Variants in NKAIN3 observed in about 807,000 individuals in gnomAD.
NKAIN3 encodes the protein sodium/potassium-transporting ATPase subunit beta-1-interacting protein 3.
In NKAIN3, 25 loss-of-function variants were observed where a neutral mutation model predicts 30.2. The observed-to-expected ratio is 0.83, with a 90% CI of 0.60 to 1.16. The LOEUF (loss-of-function observed/expected upper bound fraction) is 1.16. Ranked by LOEUF, NKAIN3 falls within the 50% of genes most tolerant of loss-of-function variation. NKAIN3 has a pLI of 0.00. For missense variants in NKAIN3, 225 were observed against 254.1 expected (o/e 0.89, Z 0.78); for synonymous variants, 91 against 89.6 (o/e 1.02, Z -0.09).
At chr8:62,878,511 TA>T (rs1454389781) in intron 4 of NKAIN3, among the ~76,000 whole-genome samples, 8 of 150,978 alleles carry the variant, frequency 5.3e-5, no homozygotes, top group South Asian at 2.1e-4. Context: ...GTTGTGTTTT[TA>T]TTATTATTAT....
At chr8:62,987,076 A>G (rs1363302459), downstream of NKAIN3, among the ~76,000 whole-genome samples, 1 of 152,176 alleles carries the variant, frequency 6.6e-6, no homozygotes, top group East Asian at 1.9e-4. Context: ...ATTATGTCCT[A>G]CTAAAAGTGC....
In NKAIN3 at chr8:62,972,797, G is replaced by T. The variant is rs1218785148; in HGVS notation, c.*7390G>T. Among the ~76,000 whole-genome samples, 1 of 151,992 alleles carries T rather than the reference G, an allele frequency of 6.6e-6. No individual in the cohort carries two copies. The highest frequency in any genetic ancestry group is 1.9e-4 in the East Asian group (1 of 5,188). The stretch of plus-strand genomic sequence containing the variant: ...CCCATCAATTCATCATCTACATTAG[G>T]TATATCTCCTAATGTTATCCCTCCC... On this transcript the variant is annotated 3_prime_UTR_variant, in exon 7 of 7. Transcript: ENST00000623646.
At chr8:62,453,194 A>G (rs1376976918) in intron 1 of NKAIN3, among the ~76,000 whole-genome samples, 1 of 152,180 alleles carries the variant, frequency 6.6e-6, no homozygotes, top group Non-Finnish European at 1.5e-5. Flanking sequence ...AAAATTCAAT[A>G]TCATACTTTT....
intron 2 of NKAIN3, 23 bp from the exon 3 acceptor site, chr8:62,589,690 TC>T (rs1810590549): frequency 8.4e-7 from 1 of 1,190,136 alleles, no homozygotes; most frequent in Non-Finnish European, 1.2e-6. Flanking sequence ...TTCTTCTCTT[TC>T]TCCCTCCCCC....
At chr8:62,601,099 T>G (rs1326262817) in intron 3 of NKAIN3, among the ~76,000 whole-genome samples, 1 of 152,104 alleles carries the variant, frequency 6.6e-6, no homozygotes, top group Non-Finnish European at 1.5e-5. Flanking sequence ...TTACAATCTA[T>G]CCATTGTCTT....
Position 62,570,705 on chromosome 8 carries a change from G to A in NKAIN3, c.55-8834G>A, listed in dbSNP as rs375625106. ...GAGCTGCAAGATGAGATTTGGGTGG[G>A]GACACAGAGCCAAACCATATCATTT... On this transcript the variant is annotated intron_variant, in intron 1 of 6. Transcript: ENST00000623646. Among the ~76,000 whole-genome samples, 45 of 152,026 alleles carry A rather than the reference G, an allele frequency of 3.0e-4. No homozygotes were observed. In the South Asian group the frequency reaches 9.1e-3, roughly 31 times the overall value.
chr8:62,626,055 G>C (rs189909777), intron 3 of NKAIN3, among the ~76,000 whole-genome samples: 9 of 152,148 alleles, frequency 5.9e-5, no homozygotes, highest in African/African-American at 2.2e-4. Flanking sequence ...TATTTTTGAA[G>C]AGGCTAGTGT....
intron 1 of NKAIN3, among the ~76,000 whole-genome samples, chr8:62,457,388 C>T (rs1369584151): frequency 2.0e-5 from 3 of 152,214 alleles, no homozygotes; most frequent in African/African-American, 7.2e-5. Context: ...GTATCAAGCT[C>T]TCTGTCACCA....
At chr8:62,279,735 C>G (rs1813105104) in intron 1 of NKAIN3, among the ~76,000 whole-genome samples, 1 of 152,074 alleles carries the variant, frequency 6.6e-6, no homozygotes. Context: ...TGGTCTATAT[C>G]TCTGTTTTGG....
At chr8:62,728,587 C>T (rs1271932366) in intron 3 of NKAIN3, among the ~76,000 whole-genome samples, 9 of 152,220 alleles carry the variant, frequency 5.9e-5, no homozygotes, top group African/African-American at 2.2e-4. Context: ...ATCACTTGAA[C>T]CCAGGAGGCG....
At chr8:62,679,630 G>A (rs1356350376) in intron 3 of NKAIN3, among the ~76,000 whole-genome samples, 1 of 152,184 alleles carries the variant, frequency 6.6e-6, no homozygotes, top group African/African-American at 2.4e-5. Flanking sequence ...ATGACAGAAG[G>A]TGAAGGGGAA....
Position 62,509,062 on chromosome 8 carries a change from C to T in NKAIN3, c.55-70477C>T, listed in dbSNP as rs375603422. On this transcript the variant is annotated intron_variant, in intron 1 of 6. Coordinates refer to ENST00000623646, the MANE Select transcript of NKAIN3 (RefSeq NM_001304533.3). The stretch of plus-strand genomic sequence containing the variant: ...CAAGGTGTAGCCTACAGCCTTTTTA[C>T]GGAAGCAAAAATACCTACAACAAGT... Among the ~76,000 whole-genome samples the T allele has an allele frequency of 2.5e-4, 38 of 152,042 alleles. 1 individual carries two copies. Among genetic ancestry groups the T allele is most frequent in the Middle Eastern group, 6.3e-3 (2 of 316 alleles).
At chr8:62,711,833 G>T (rs1290998060) in intron 3 of NKAIN3, among the ~76,000 whole-genome samples, 2 of 152,124 alleles carry the variant, frequency 1.3e-5, no homozygotes, top group African/African-American at 4.8e-5. Flanking sequence ...CATATTACCA[G>T]GGTTGGTTTT....
intron 1 of NKAIN3, among the ~76,000 whole-genome samples, chr8:62,316,861 C>A (rs940999639): frequency 6.6e-6 from 1 of 152,170 alleles, no homozygotes; most frequent in Non-Finnish European, 1.5e-5. Context: ...ACACTAACTT[C>A]CACAATGGTT....
rs370654678 is a variant in NKAIN3 at position 62,618,914 on chromosome 8, C to CAAAAG, written c.273+29141_273+29145dup. 3.1e-3 allele frequency among the ~76,000 whole-genome samples: 475 copies of CAAAAG among 151,128 alleles called. 10 individuals are homozygous for CAAAAG. In the East Asian group the frequency reaches 0.042, roughly 13 times the overall value. ...GAGTGAGACTCCATCTCAAAAAAAA[C>CAAAAG]AAAAGAAAAGAAAAGAAAAGAAAAG... On this transcript the variant is annotated intron_variant, in intron 3 of 6. Transcript: ENST00000623646.
At chr8:62,553,502 C>T (rs760120943) in intron 1 of NKAIN3, among the ~76,000 whole-genome samples, 5 of 150,952 alleles carry the variant, frequency 3.3e-5, no homozygotes, top group African/African-American at 9.7e-5. Context: ...AATGTTTACA[C>T]GATGAAAATG....
At chr8:62,710,092 T>C (rs1410560169) in intron 3 of NKAIN3, among the ~76,000 whole-genome samples, 2 of 152,110 alleles carry the variant, frequency 1.3e-5, no homozygotes, top group Non-Finnish European at 2.9e-5. Context: ...AGAGTGCTTG[T>C]TATAATTTCC....
intron 4 of NKAIN3, among the ~76,000 whole-genome samples, chr8:62,748,832 A>G (rs979434650): frequency 6.6e-6 from 1 of 152,194 alleles, no homozygotes; most frequent in East Asian, 1.9e-4. Flanking sequence ...GGTTTCTACA[A>G]TCATATTTAC....
In NKAIN3 at chr8:62,249,037, C is replaced by A. The variant is rs949006414; in HGVS notation, c.-37C>A. 6.6e-7 allele frequency: 1 copy of A among 1,523,426 alleles called. No individual in the cohort carries two copies. Among genetic ancestry groups the A allele is most frequent in the Non-Finnish European group, 8.8e-7 (1 of 1,134,846 alleles). The allele number at this position is 1,523,426 out of a possible 1,614,324, so 94.4% of individuals were successfully genotyped here. On this transcript the variant is annotated 5_prime_UTR_variant, in exon 1 of 7. Coordinates refer to ENST00000623646, the MANE Select transcript of NKAIN3 (RefSeq NM_001304533.3). ...GGCAGCAGCGGCGGAGGACGAGGAT[C>A]TCTGGCAGTCAGCGCCGCTCGGACG...
Sources: gnomAD v4.1 joint callset for allele counts (sites outside exome capture counted in the v4.1 genomes callset) on GRCh38, gnomAD v4.1.1 for gene constraint, MANE v1.5 for transcripts, NCBI Gene and HGNC (gene_info 2026-07-23, HGNC 2026-07-21) for gene names.